Variants in MGAT4C observed in about 807,000 individuals in gnomAD.
MGAT4C encodes MGAT4 family member C.
MGAT4C carries 19 observed loss-of-function variants against 40.1 expected under a neutral mutation model. The ratio of observed to expected loss-of-function variants is 0.47; its 90% CI spans 0.33 to 0.70. The LOEUF is 0.70. Ranked by LOEUF, MGAT4C falls within the 30% of genes least tolerant of loss-of-function variation. The pLI is 0.02. For synonymous variants in MGAT4C, 181 were observed against 187.1 expected, an observed-to-expected ratio of 0.97 and a Z score of 0.27; for missense variants, 491 against 563.2, an observed-to-expected ratio of 0.87 and a Z score of 1.30.
At chr12:86,718,717 T>C (rs892641221) in intron 2 of MGAT4C, among the ~76,000 whole-genome samples, 2 of 152,104 alleles carry the variant, frequency 1.3e-5, no homozygotes, top group African/African-American at 4.8e-5. Flanking sequence ...GCGGGGTCAT[T>C]AGATTCTTAT....
chr12:86,502,055 T>G (rs1056560235), intron 2 of MGAT4C, among the ~76,000 whole-genome samples: 1 of 152,086 alleles, frequency 6.6e-6, no homozygotes, highest in Non-Finnish European at 1.5e-5. Flanking sequence ...TAGACACCAT[T>G]AAAATAATGA....
intron 3 of MGAT4C, among the ~76,000 whole-genome samples, chr12:86,401,220 G>C (rs1956355443): frequency 6.6e-6 from 1 of 151,200 alleles, no homozygotes; most frequent in Admixed American, 6.6e-5. Flanking sequence ...CCATATTTAT[G>C]AGATTTATTC....
At chr12:86,421,386 C>T (rs1956822901) in intron 3 of MGAT4C, among the ~76,000 whole-genome samples, 1 of 152,150 alleles carries the variant, frequency 6.6e-6, no homozygotes, top group Admixed American at 6.6e-5. Context: ...GAAGCTCATA[C>T]CTTTGGTTGT....
rs533116258 is a variant in MGAT4C, at chr12:86,139,214, A to C, written c.-56-89491T>G. On this transcript the variant is annotated intron_variant, in intron 1 of 4. Transcript: ENST00000611864. ...TAAAAATCATTAAAGGCTATAAAAG[A>C]TAAGACTAACATGCCAAATGACTAA... 7.9e-5 allele frequency among the ~76,000 whole-genome samples: 12 copies of C among 152,318 alleles called. No individual in the cohort carries two copies. The South Asian group carries it at 2.1e-3, about 26-fold the overall frequency.
intron 1 of MGAT4C, among the ~76,000 whole-genome samples, chr12:86,733,852 A>C (rs1165391933): frequency 1.3e-5 from 2 of 152,144 alleles, no homozygotes; most frequent in Admixed American, 6.5e-5. Context: ...TCTAAGCAAA[A>C]TGGGAATGTA....
chr12:86,510,304 A>T (rs1363858138), intron 2 of MGAT4C, among the ~76,000 whole-genome samples: 2 of 152,052 alleles, frequency 1.3e-5, no homozygotes, highest in African/African-American at 2.4e-5. Flanking sequence ...AGATTTTGTC[A>T]CCAACAGGCC....
At chr12:86,587,739 GCT>G in intron 2 of MGAT4C, among the ~76,000 whole-genome samples, 1 of 151,076 alleles carries the variant, frequency 6.6e-6, no homozygotes, top group Admixed American at 6.6e-5. Context: ...TCATGATTTG[GCT>G]CTCTGTTTGT....
At chr12:86,270,183 C>A (rs1464231172) in intron 4 of MGAT4C, among the ~76,000 whole-genome samples, 2 of 152,138 alleles carry the variant, frequency 1.3e-5, no homozygotes, top group African/African-American at 4.8e-5. Context: ...TCTCCGGCCT[C>A]AGCCTCCCAA....
intron 3 of MGAT4C, among the ~76,000 whole-genome samples, chr12:86,432,945 C>T (rs1387305905): frequency 6.6e-6 from 1 of 151,916 alleles, no homozygotes; most frequent in Non-Finnish European, 1.5e-5. Context: ...GAAGAAATCA[C>T]TTTCCCTGGA....
At chr12:86,462,256 A>G (rs1289601413) in intron 2 of MGAT4C, among the ~76,000 whole-genome samples, 2 of 152,220 alleles carry the variant, frequency 1.3e-5, no homozygotes, top group African/African-American at 2.4e-5. Flanking sequence ...GTTAGGATGT[A>G]TCCAGAAGAG....
chr12:86,474,627 C>T (rs139104939), intron 2 of MGAT4C, among the ~76,000 whole-genome samples: 1,757 of 151,962 alleles, frequency 0.012, 26 homozygotes, highest in African/African-American at 0.04. Context: ...GGAGGTTAAA[C>T]TGATTTTATG....
chr12:86,371,329 A>C (rs1259949155), intron 3 of MGAT4C, among the ~76,000 whole-genome samples: 1 of 151,926 alleles, frequency 6.6e-6, no homozygotes, highest in African/African-American at 2.4e-5. Flanking sequence ...CTCTCACTTA[A>C]ACTTTTGTAA....
At chr12:86,553,653 T>C (rs993700753) in intron 2 of MGAT4C, among the ~76,000 whole-genome samples, 3 of 152,158 alleles carry the variant, frequency 2.0e-5, no homozygotes, top group African/African-American at 4.8e-5. Context: ...AGTTTACCTA[T>C]AGCTTGCTTG....
chr12:86,273,871 CA>C (rs1347476478), intron 4 of MGAT4C, among the ~76,000 whole-genome samples: 8 of 152,128 alleles, frequency 5.3e-5, no homozygotes, highest in African/African-American at 1.9e-4. Context: ...CTCTGAAGCT[CA>C]AAAACTTTAA....
chr12:86,672,622 C>T (rs1167024074), intron 2 of MGAT4C, among the ~76,000 whole-genome samples: 7 of 151,878 alleles, frequency 4.6e-5, no homozygotes, highest in Admixed American at 3.3e-4. Context: ...TTCAAAGGAC[C>T]ATTAGTGGAT....
intron 2 of MGAT4C, among the ~76,000 whole-genome samples, chr12:86,691,581 T>A (rs546026715): frequency 6.6e-6 from 1 of 152,154 alleles, no homozygotes; most frequent in East Asian, 1.9e-4. Context: ...ACCAACCAGC[T>A]CAATTCTAAA....
chr12:86,617,101 G>T (rs1962476697), intron 2 of MGAT4C, among the ~76,000 whole-genome samples: 1 of 152,084 alleles, frequency 6.6e-6, no homozygotes, highest in South Asian at 2.1e-4. Flanking sequence ...TCTCCTCATG[G>T]ACTGAAACAG....
chr12:86,691,211 A>G (rs1252595536), intron 2 of MGAT4C, among the ~76,000 whole-genome samples: 1 of 152,224 alleles, frequency 6.6e-6, no homozygotes, highest in Non-Finnish European at 1.5e-5. Context: ...CAACTAGAAT[A>G]TTTGATAAAA....
chr12:86,356,637 T>C (rs1955319060), intron 3 of MGAT4C, among the ~76,000 whole-genome samples: 3 of 152,152 alleles, frequency 2.0e-5, no homozygotes, highest in Non-Finnish European at 4.4e-5. Flanking sequence ...ACTGGGCTTT[T>C]CCAAGGGTCT....
Sources: gnomAD v4.1 joint callset for allele counts (sites outside exome capture counted in the v4.1 genomes callset) on GRCh38, gnomAD v4.1.1 for gene constraint, MANE v1.5 for transcripts, NCBI Gene and HGNC (gene_info 2026-07-23, HGNC 2026-07-21) for gene names.